USP34: variants seen among roughly 807,000 people sequenced by gnomAD.
The protein encoded by USP34 is ubiquitin specific peptidase 34, also known as ubiquitin carboxyl-terminal hydrolase 34.
A neutral mutation model predicts 460.3 loss-of-function variants in USP34; 70 were observed. The observed-to-expected ratio is 0.15, with a 90% CI of 0.13 to 0.19. The LOEUF is 0.19. Among genes scored for constraint, USP34 ranks in the 10% least tolerant of loss-of-function variants. The pLI is 1.00. For synonymous variants in USP34, 1,647 were observed against 1,405.3 expected (o/e 1.17, Z -3.85); for missense variants, 3,985 against 4,236.2 (o/e 0.94, Z 1.65).
At chr2:61,329,709 ATAT>A (rs1406545400) in intron 20 of USP34, among the ~76,000 whole-genome samples, 1 of 152,190 alleles carries the variant, frequency 6.6e-6, no homozygotes, top group Non-Finnish European at 1.5e-5. Flanking sequence ...TTCATATGCT[ATAT>A]TATTTGTTTT....
intron 2 of USP34, among the ~76,000 whole-genome samples, chr2:61,415,395 T>C (rs1179478229): frequency 1.3e-5 from 2 of 152,082 alleles, no homozygotes; most frequent in Non-Finnish European, 2.9e-5. Flanking sequence ...AGATATAAAA[T>C]GAACTAGAGA....
At chr2:61,347,198 T>C (rs1691797653) in intron 15 of USP34, among the ~76,000 whole-genome samples, 2 of 151,916 alleles carry the variant, frequency 1.3e-5, no homozygotes, top group African/African-American at 2.4e-5. Flanking sequence ...AATTAAAGGG[T>C]GGCTGGTCTA....
chr2:61,303,267 T>C (rs1237735981), intron 27 of USP34, among the ~76,000 whole-genome samples: 15 of 152,130 alleles, frequency 9.9e-5, no homozygotes, highest in Admixed American at 9.8e-4. Context: ...GGTTTCTCCA[T>C]GTTGGCCAGG....
intron 33 of USP34, among the ~76,000 whole-genome samples, chr2:61,291,347 A>G: frequency 6.6e-6 from 1 of 152,182 alleles, no homozygotes; most frequent in East Asian, 1.9e-4. Flanking sequence ...TTGCTGGTAG[A>G]AATGTAAAAT....
At position 61,290,873 on chromosome 2, in the gene USP34, A is replaced by T. The variant is rs983910324; in HGVS notation, c.4549-1996T>A. Among the ~76,000 whole-genome samples the T allele has an allele frequency of 2.6e-5, 4 of 152,296 alleles. No individual in the cohort carries two copies. The South Asian group carries it at 8.3e-4, about 32-fold the overall frequency. ...CCAGAAACCTCTTAACAGAAAACATAGTCATCAATCTCTGTGTAAGGGGAT... is the reference window on the plus strand; with the variant it reads ...CCAGAAACCTCTTAACAGAAAACATTGTCATCAATCTCTGTGTAAGGGGAT... On this transcript the variant is annotated intron_variant, in intron 33 of 79. Coordinates refer to ENST00000398571, the MANE Select transcript of USP34 (RefSeq NM_014709.4).
At chr2:61,262,308 A>G (rs542346672) in intron 43 of USP34, among the ~76,000 whole-genome samples, 4 of 151,812 alleles carry the variant, frequency 2.6e-5, no homozygotes, top group African/African-American at 9.7e-5. Flanking sequence ...AATAGTACCA[A>G]TAGGTAGTTT....
intron 59 of USP34, 67 bp downstream of exon 59, chr2:61,229,481 A>C (rs1558478222): frequency 2.5e-6 from 2 of 795,498 alleles, no homozygotes; most frequent in African/African-American, 3.8e-5. Flanking sequence ...AAAAACAAAA[A>C]AAAAAAACAA....
chr2:61,296,947 C>CTGA, intron 29 of USP34, 22 bp from the exon 30 acceptor site: 1 of 1,597,672 alleles, frequency 6.3e-7, no homozygotes, highest in Admixed American at 1.8e-5. Flanking sequence ...AGAACAACTA[C>CTGA]TTTATCAAAA....
In USP34 at chr2:61,214,183, C is replaced by G. The variant is rs745606425; in HGVS notation, c.8559G>C (p.Ala2853=). The G allele has an allele frequency of 6.2e-7, 1 of 1,614,144 alleles. No individual in the cohort carries two copies. The highest frequency in any genetic ancestry group is 8.5e-7 in the Non-Finnish European group (1 of 1,180,012). Residue 2853 remains alanine, a synonymous_variant, in exon 68 of 80, where the codon GCG becomes GCC. Coordinates refer to ENST00000398571, the MANE Select transcript of USP34 (RefSeq NM_014709.4). ...AGCAGAGCCTCAGAATGCCATAGTA[C>G]GCTGGCAGCATCCCACGGTTAAAAA... ...VVLFNRGMLP[A]YYGILRLCCE...
Position 61,457,244 on chromosome 2 carries a change from C to T in USP34, c.43+13406G>A, listed in dbSNP as rs567515311. ...TGAGCCGTGATCGTGCCACTGCACT[C>T]TAGACTGGGCGACAGAGCAAGACCT... On this transcript the variant is annotated intron_variant, in intron 1 of 79. Coordinates refer to ENST00000398571, the MANE Select transcript of USP34 (RefSeq NM_014709.4). Among the ~76,000 whole-genome samples, 294 of 152,208 alleles carry T rather than the reference C, an allele frequency of 1.9e-3. 3 individuals are homozygous for T. The highest frequency in any genetic ancestry group is 1.2e-3 in the Non-Finnish European group (80 of 68,012).
In USP34 at chr2:61,229,457, T is replaced by TAAAAAAAAAAA. The variant is rs57231258; in HGVS notation, c.7199+80_7199+90dup. 28 of 382,150 alleles carry TAAAAAAAAAAA rather than the reference T, an allele frequency of 7.3e-5. 2 individuals are homozygous for TAAAAAAAAAAA. Among genetic ancestry groups the TAAAAAAAAAAA allele is most frequent in the East Asian group, 2.3e-4 (4 of 17,104 alleles). 23.7% of individuals were successfully genotyped at this position (382,150 alleles called of 1,614,324 possible). A position where few individuals can be genotyped will look rare whatever the true frequency, so the allele number is the denominator to read the frequency against. ...GGCAACATGAAGAAACCCTATCTCT[T>TAAAAAAAAAAA]AAAAAAAAAAAAAAAAAACAAAAAA... On this transcript the variant is annotated intron_variant, in intron 59 of 79. Coordinates refer to ENST00000398571, the MANE Select transcript of USP34 (RefSeq NM_014709.4).
chr2:61,354,087 A>C (rs551414547), intron 10 of USP34, among the ~76,000 whole-genome samples: 1 of 152,228 alleles, frequency 6.6e-6, no homozygotes, highest in South Asian at 2.1e-4. Flanking sequence ...ATGGAAAGAC[A>C]GAATACTTAA....
At chr2:61,202,151 C>G (rs1344793279) in intron 75 of USP34, among the ~76,000 whole-genome samples, 1 of 152,190 alleles carries the variant, frequency 6.6e-6, no homozygotes, top group African/African-American at 2.4e-5. Flanking sequence ...CAGCTGTTAC[C>G]ACTTTCTTCT....
At chr2:61,231,798 A>G (rs1164647325) in intron 58 of USP34, among the ~76,000 whole-genome samples, 1 of 112,708 alleles carries the variant, frequency 8.9e-6, no homozygotes, top group East Asian at 2.1e-4. Flanking sequence ...CTTGTGACAG[A>G]GCAAAACCCT....
intron 34 of USP34, among the ~76,000 whole-genome samples, chr2:61,286,796 ATAT>A (rs1689703066): frequency 6.6e-6 from 1 of 152,234 alleles, no homozygotes; most frequent in Non-Finnish European, 1.5e-5. Context: ...TTGTAGTTGC[ATAT>A]TATTTTTAAA....
chr2:61,283,055 T>G lies in USP34; in HGVS notation c.4998+90A>C, dbSNP rs921450030. 6.5e-6 allele frequency: 9 copies of G among 1,377,500 alleles called. No homozygotes were observed. In the African/African-American group the frequency reaches 1.2e-4, roughly 18 times the overall value. The allele number at this position is 1,377,500 out of a possible 1,614,324, so 85.3% of individuals were successfully genotyped here. ...TGTGATATATTTATGGACTCACGCA[T>G]ATTTGTTTCCATTAGCTCTTTTATT... On this transcript the variant is annotated intron_variant, in intron 37 of 79. Coordinates refer to ENST00000398571, the MANE Select transcript of USP34 (RefSeq NM_014709.4).
In USP34 at chr2:61,370,483, T is replaced by C; in HGVS notation, c.1158+15A>G. 1 of 1,613,610 alleles carries C rather than the reference T, an allele frequency of 6.2e-7. No homozygotes were observed. The highest frequency in any genetic ancestry group is 2.2e-5 in the East Asian group (1 of 44,856). Reference sequence around the variant, plus strand: ...CTATCAATAGAACAGAGAAGTTATGTAATCATCCACAAACCTCAATATGTA... The same window carrying C: ...CTATCAATAGAACAGAGAAGTTATGCAATCATCCACAAACCTCAATATGTA... On this transcript the variant is annotated intron_variant, in intron 9 of 79. Transcript: ENST00000398571.
intron 39 of USP34, among the ~76,000 whole-genome samples, chr2:61,279,846 AC>A (rs1165496594): frequency 3.3e-5 from 5 of 152,178 alleles, no homozygotes; most frequent in Non-Finnish European, 1.5e-5. Context: ...ATATGCAAAA[AC>A]TGACAGTGTT....
chr2:61,434,772 G>A (rs1694767595), intron 1 of USP34, among the ~76,000 whole-genome samples: 2 of 151,708 alleles, frequency 1.3e-5, no homozygotes, highest in African/African-American at 4.8e-5. Flanking sequence ...ATTGAAAGGG[G>A]GGGGGTTCCA....
Sources: allele counts gnomAD v4.1 joint callset (sites outside exome capture counted in the v4.1 genomes callset), GRCh38; gene constraint gnomAD v4.1.1; transcripts MANE v1.5; gene names NCBI Gene and HGNC (gene_info 2026-07-23, HGNC 2026-07-21).